The following RABGAP1L variants were observed in gnomAD, a reference collection of about 807,000 sequenced individuals.
RABGAP1L encodes RAB GTPase activating protein 1 like.
RABGAP1L carries 63 observed loss-of-function variants against 137.7 expected under a neutral mutation model. The observed-to-expected ratio is 0.46, with a 90% confidence interval of 0.37 to 0.56. The LOEUF is 0.56. Ranked by LOEUF, RABGAP1L falls within the 20% of genes least tolerant of loss-of-function variation. The pLI is 0.00. For synonymous variants in RABGAP1L, 431 were observed against 433.7 expected (o/e 0.99, Z 0.08); for missense variants, 1,095 against 1,244.0 (o/e 0.88, Z 1.80).
chr1:174,744,611 G>A (rs1683722983), intron 17 of RABGAP1L, among the ~76,000 whole-genome samples: 1 of 152,186 alleles, frequency 6.6e-6, no homozygotes, highest in Non-Finnish European at 1.5e-5. Context: ...TGGTATTTGT[G>A]CCCAAAATAC....
chr1:174,522,930 T>G (rs1663552562), intron 13 of RABGAP1L, among the ~76,000 whole-genome samples: 1 of 152,134 alleles, frequency 6.6e-6, no homozygotes, highest in Non-Finnish European at 1.5e-5. Flanking sequence ...AAGCCTCACC[T>G]CCAACACTGA....
chr1:174,305,646 A>G (rs1678147737), intron 11 of RABGAP1L, among the ~76,000 whole-genome samples: 1 of 152,156 alleles, frequency 6.6e-6, no homozygotes, highest in Non-Finnish European at 1.5e-5. Flanking sequence ...TCAGCCTACC[A>G]AAGTGCTGGG....
At chr1:174,944,900 T>C (rs1666487868) in intron 19 of RABGAP1L, among the ~76,000 whole-genome samples, 1 of 152,242 alleles carries the variant, frequency 6.6e-6, no homozygotes, top group South Asian at 2.1e-4. Context: ...TCTACAGCCT[T>C]CTGTCTCTTG....
At chr1:174,772,238 C>T (rs953460902) in intron 18 of RABGAP1L, among the ~76,000 whole-genome samples, 2 of 151,682 alleles carry the variant, frequency 1.3e-5, no homozygotes, top group African/African-American at 4.8e-5. Flanking sequence ...AACTAATCTT[C>T]ACTACCTTTA....
chr1:174,203,264 T>C (rs1668263492), intron 1 of RABGAP1L, among the ~76,000 whole-genome samples: 1 of 152,060 alleles, frequency 6.6e-6, no homozygotes, highest in Non-Finnish European at 1.5e-5. Flanking sequence ...GAATAGGGAG[T>C]CTTTTCCCCA....
chr1:174,242,658 T>C (rs541581904), intron 5 of RABGAP1L, among the ~76,000 whole-genome samples: 1 of 152,344 alleles, frequency 6.6e-6, no homozygotes, highest in East Asian at 1.9e-4. Context: ...TGCTTTACAC[T>C]AAACTGAACA....
chr1:174,668,175 G>A (rs1318334202), intron 14 of RABGAP1L, among the ~76,000 whole-genome samples: 8 of 151,988 alleles, frequency 5.3e-5, no homozygotes, highest in Non-Finnish European at 1.0e-4. Flanking sequence ...TTAATTGTAG[G>A]CATCATGCTG....
chr1:174,970,454 G>A (rs1670035826), intron 21 of RABGAP1L, among the ~76,000 whole-genome samples: 1 of 152,168 alleles, frequency 6.6e-6, no homozygotes, highest in African/African-American at 2.4e-5. Context: ...GGATTCAGTG[G>A]GGATGCAGTG....
chr1:174,637,948 A>G (rs1674197818), intron 14 of RABGAP1L, among the ~76,000 whole-genome samples: 2 of 152,186 alleles, frequency 1.3e-5, no homozygotes, highest in South Asian at 2.1e-4. Flanking sequence ...TACGGTTTTT[A>G]TATCCCATTT....
intron 18 of RABGAP1L, among the ~76,000 whole-genome samples, chr1:174,805,779 G>A (rs1573286270): frequency 6.6e-6 from 1 of 152,176 alleles, no homozygotes; most frequent in Non-Finnish European, 1.5e-5. Flanking sequence ...TGGGATTACA[G>A]GTGTAAGCCA....
intron 13 of RABGAP1L, chr1:174,547,868 A>G (rs1404476786): frequency 6.5e-7 from 1 of 1,541,896 alleles, no homozygotes; most frequent in Non-Finnish European, 8.8e-7. Flanking sequence ...ACACCGAGAC[A>G]GACTATTCAC....
At chr1:174,766,986 A>G (rs1685718260) in intron 18 of RABGAP1L, among the ~76,000 whole-genome samples, 1 of 152,218 alleles carries the variant, frequency 6.6e-6, no homozygotes, top group Non-Finnish European at 1.5e-5. Context: ...AGACATTCCT[A>G]AGTGTTTAGA....
At chr1:174,541,749 C>G (rs1437348608) in intron 13 of RABGAP1L, among the ~76,000 whole-genome samples, 6 of 151,736 alleles carry the variant, frequency 4.0e-5, no homozygotes, top group Non-Finnish European at 8.8e-5. Flanking sequence ...GCACTCCAGC[C>G]TGGGTGACAG....
At chr1:174,358,879 T>G (rs1440275566) in intron 11 of RABGAP1L, among the ~76,000 whole-genome samples, 1 of 152,166 alleles carries the variant, frequency 6.6e-6, no homozygotes, top group Non-Finnish European at 1.5e-5. Context: ...GAAATAAAAG[T>G]GGCCACTACT....
At chr1:174,266,928 A>C (rs937048116) in intron 7 of RABGAP1L, among the ~76,000 whole-genome samples, 2 of 152,208 alleles carry the variant, frequency 1.3e-5, no homozygotes, top group East Asian at 3.8e-4. Context: ...TGAAGACAGA[A>C]TGAGACCTAG....
intron 15 of RABGAP1L, among the ~76,000 whole-genome samples, chr1:174,692,922 G>T (rs1041653454): frequency 2.0e-5 from 3 of 152,236 alleles, no homozygotes; most frequent in Middle Eastern, 3.4e-3. Context: ...AAAAGAGGTT[G>T]CCTGCTCAAA....
intron 18 of RABGAP1L, among the ~76,000 whole-genome samples, chr1:174,765,386 C>T (rs1382725809): frequency 1.3e-5 from 2 of 152,130 alleles, no homozygotes; most frequent in Non-Finnish European, 2.9e-5. Context: ...TGTTCAGATC[C>T]TTTGCCCACT....
intron 1 of RABGAP1L, among the ~76,000 whole-genome samples, chr1:174,173,083 G>A (rs1665541923): frequency 6.6e-6 from 1 of 151,212 alleles, no homozygotes; most frequent in Non-Finnish European, 1.5e-5. Flanking sequence ...AATTATCTGA[G>A]TAAGATGCAG....
At chr1:174,264,873 A>G (rs559763963) in intron 7 of RABGAP1L, among the ~76,000 whole-genome samples, 2 of 152,270 alleles carry the variant, frequency 1.3e-5, no homozygotes, top group African/African-American at 4.8e-5. Context: ...CGAGAGAAAA[A>G]GAAATAGGAA....
Sources: gnomAD v4.1 joint callset for allele counts (sites outside exome capture counted in the v4.1 genomes callset) on GRCh38, gnomAD v4.1.1 for gene constraint, MANE v1.5 for transcripts, NCBI Gene and HGNC (gene_info 2026-07-23, HGNC 2026-07-21) for gene names.